The following PDZRN3 variants were observed in gnomAD, a reference collection of about 807,000 sequenced individuals.
PDZRN3 encodes the protein E3 ubiquitin-protein ligase PDZRN3.
Under a neutral mutation model 85.7 loss-of-function variants are expected in PDZRN3, and 38 were observed. The ratio of observed to expected loss-of-function variants is 0.44; its 90% CI spans 0.34 to 0.58. The LOEUF (loss-of-function observed/expected upper bound fraction) is 0.58. Ranked by LOEUF, PDZRN3 falls within the 20% of genes least tolerant of loss-of-function variation. The pLI, the probability that PDZRN3 is intolerant of heterozygous loss-of-function variation, is 0.01. For missense variants in PDZRN3, 1,629 were observed against 1,506.4 expected (o/e 1.08, Z -1.35); for synonymous variants, 759 against 638.0 (o/e 1.19, Z -2.86).
intron 3 of PDZRN3, among the ~76,000 whole-genome samples, chr3:73,412,746 G>C (rs1291548691): frequency 6.6e-6 from 1 of 152,208 alleles, no homozygotes; most frequent in Non-Finnish European, 1.5e-5. Context: ...GAATTAATTA[G>C]GCTCTGCATA....
chr3:73,465,186 A>C (rs775359389), intron 3 of PDZRN3, among the ~76,000 whole-genome samples: 4 of 152,170 alleles, frequency 2.6e-5, no homozygotes, highest in Non-Finnish European at 5.9e-5. Flanking sequence ...TATAAAATCC[A>C]TCACTTTATC....
At chr3:73,475,385 T>G (rs1374682201) in intron 3 of PDZRN3, among the ~76,000 whole-genome samples, 2 of 152,252 alleles carry the variant, frequency 1.3e-5, no homozygotes, top group Non-Finnish European at 2.9e-5. Context: ...TCCTGTTAGC[T>G]GTCATTTTTC....
chr3:73,396,787 G>A (rs1173188393), intron 5 of PDZRN3, among the ~76,000 whole-genome samples: 1 of 152,172 alleles, frequency 6.6e-6, no homozygotes, highest in Non-Finnish European at 1.5e-5. Flanking sequence ...ATAGACAAAA[G>A]GAAAAGCCTT....
At chr3:73,393,697 G>A (rs1459569655) in intron 5 of PDZRN3, among the ~76,000 whole-genome samples, 1 of 152,118 alleles carries the variant, frequency 6.6e-6, no homozygotes, top group Non-Finnish European at 1.5e-5. Flanking sequence ...CATTTGAGAG[G>A]TGTAAGGTAT....
chr3:73,613,650 A>G (rs1418311263), intron 1 of PDZRN3, among the ~76,000 whole-genome samples: 1 of 152,144 alleles, frequency 6.6e-6, no homozygotes, highest in Non-Finnish European at 1.5e-5. Flanking sequence ...GTTGCCTTCT[A>G]TTCAGTAACT....
chr3:73,601,269 T>C (rs2106894693), intron 3 of PDZRN3, among the ~76,000 whole-genome samples: 1 of 152,352 alleles, frequency 6.6e-6, no homozygotes, highest in Non-Finnish European at 1.5e-5. Flanking sequence ...GTGAGTGATG[T>C]GAACTTCACT....
intron 3 of PDZRN3, among the ~76,000 whole-genome samples, chr3:73,506,152 A>G (rs889102331): frequency 2.0e-5 from 3 of 152,202 alleles, no homozygotes; most frequent in Admixed American, 2.0e-4. Flanking sequence ...TCAAGTCTGA[A>G]TATCAACATA....
chr3:73,412,574 T>C (rs902955167), intron 3 of PDZRN3, among the ~76,000 whole-genome samples: 2 of 152,206 alleles, frequency 1.3e-5, no homozygotes, highest in African/African-American at 4.8e-5. Flanking sequence ...ATGAGGGCCA[T>C]TGTCAAGGTG....
intron 3 of PDZRN3, among the ~76,000 whole-genome samples, chr3:73,440,027 C>T (rs552677667): frequency 4.4e-4 from 67 of 151,488 alleles, no homozygotes; most frequent in Non-Finnish European, 8.1e-4. Context: ...CATGAGCCAC[C>T]GCGCCCAGAC....
At chr3:73,608,304 A>T (rs1160164619) in intron 2 of PDZRN3, among the ~76,000 whole-genome samples, 1 of 152,216 alleles carries the variant, frequency 6.6e-6, no homozygotes, top group South Asian at 2.1e-4. Context: ...ACGCAACTTC[A>T]TTCAGCCCAA....
intron 3 of PDZRN3, among the ~76,000 whole-genome samples, chr3:73,452,217 G>A (rs905518262): frequency 6.6e-6 from 1 of 151,986 alleles, no homozygotes; most frequent in African/African-American, 2.4e-5. Flanking sequence ...CGCTCTCAGG[G>A]TGGAATGTGG....
intron 3 of PDZRN3, among the ~76,000 whole-genome samples, chr3:73,570,500 A>C (rs775167216): frequency 6.6e-6 from 1 of 152,198 alleles, no homozygotes; most frequent in South Asian, 2.1e-4. Flanking sequence ...ATATCCCCAG[A>C]TATGTAATAA....
chr3:73,489,697 C>T (rs1368135812), intron 3 of PDZRN3, among the ~76,000 whole-genome samples: 1 of 151,100 alleles, frequency 6.6e-6, no homozygotes, highest in Non-Finnish European at 1.5e-5. Flanking sequence ...TTCAGCCTCC[C>T]CAGTAGCTGG....
chr3:73,624,357 C>A lies in PDZRN3; in HGVS notation c.469G>T (p.Ala157Ser). ...GLPLTHGEQR[A>S]GGHCCARALR... ...GCTCGCGCGCAGCAGTGGCCGCCCGCGCGCTGCTCGCCGTGCGTCAAGGGT... is the reference window on the plus strand; with the variant it reads ...GCTCGCGCGCAGCAGTGGCCGCCCGAGCGCTGCTCGCCGTGCGTCAAGGGT... Residue 157 changes from alanine to serine, a missense_variant, in exon 1 of 10, where the codon GCG becomes TCG. Ala to Ser is a moderately conservative substitution (Grantham distance 99, BLOSUM62 1). Transcript: ENST00000263666. 7.7e-7 allele frequency: 1 copy of A among 1,300,390 alleles called. No homozygotes were observed. Among genetic ancestry groups the A allele is most frequent in the Non-Finnish European group, 9.7e-7 (1 of 1,031,224 alleles). 80.6% of individuals were successfully genotyped at this position (1,300,390 alleles called of 1,614,324 possible).
chr3:73,526,002 G>A (rs922216873), intron 3 of PDZRN3, among the ~76,000 whole-genome samples: 4 of 152,198 alleles, frequency 2.6e-5, no homozygotes, highest in Admixed American at 6.5e-5. Context: ...TGAAAACACA[G>A]GCTTTAGAGG....
intron 3 of PDZRN3, among the ~76,000 whole-genome samples, chr3:73,508,380 G>C (rs927408444): frequency 2.0e-5 from 3 of 152,166 alleles, no homozygotes; most frequent in Non-Finnish European, 4.4e-5. Context: ...CAGCAGTGAA[G>C]ACATAAAGGA....
chr3:73,549,676 G>A (rs563811980), intron 3 of PDZRN3, among the ~76,000 whole-genome samples: 120 of 152,304 alleles, frequency 7.9e-4, no homozygotes, highest in African/African-American at 2.6e-3. Flanking sequence ...AATGTAGGGC[G>A]TGAATTTAAA....
chr3:73,468,548 TG>T (rs1390518539), intron 3 of PDZRN3, among the ~76,000 whole-genome samples: 10 of 152,284 alleles, frequency 6.6e-5, no homozygotes, highest in African/African-American at 2.4e-4. Flanking sequence ...GCTTAATGTT[TG>T]AACAGAAGCC....
Position 73,500,477 on chromosome 3 carries a change from C to T in PDZRN3, c.919-96082G>A, listed in dbSNP as rs1423515112. ...GCTCTGCCACATTTCACTTTGGGCC[C>T]TGAATATTTCTGAGCTGAGTTGCCA... On this transcript the variant is annotated intron_variant, in intron 3 of 9. Transcript: ENST00000263666. Among the ~76,000 whole-genome samples, 3 of 152,134 alleles carry T rather than the reference C, an allele frequency of 2.0e-5. No homozygotes were observed. In the East Asian group the frequency reaches 5.8e-4, roughly 29 times the overall value.
Sources: gnomAD v4.1 joint callset for allele counts (sites outside exome capture counted in the v4.1 genomes callset) on GRCh38, gnomAD v4.1.1 for gene constraint, MANE v1.5 for transcripts, NCBI Gene and HGNC (gene_info 2026-07-23, HGNC 2026-07-21) for gene names.